The following TANGO6 variants were observed in gnomAD, a reference collection of about 807,000 sequenced individuals.
The protein encoded by TANGO6 is transport and Golgi organization protein 6 homolog.
TANGO6 carries 90 observed loss-of-function variants against 114.2 expected under a neutral mutation model. The ratio of observed to expected loss-of-function variants is 0.79; its 90% CI spans 0.66 to 0.94. TANGO6 has a LOEUF of 0.94. Ranked by LOEUF, TANGO6 falls within the 40% of genes least tolerant of loss-of-function variation. The pLI is 0.00. For missense variants in TANGO6, 1,274 were observed against 1,315.3 expected (o/e 0.97, Z 0.49); for synonymous variants, 477 against 509.8 (o/e 0.94, Z 0.87).
chr16:69,043,416 C>CCG (rs1436222500), intron 17 of TANGO6, among the ~76,000 whole-genome samples: 7 of 152,036 alleles, frequency 4.6e-5, no homozygotes, highest in Non-Finnish European at 1.0e-4. Flanking sequence ...GAAACCAACA[C>CCG]CGCTTGTCTC....
chr16:68,903,928 A>G (rs1260170676), intron 9 of TANGO6, among the ~76,000 whole-genome samples: 1 of 152,110 alleles, frequency 6.6e-6, no homozygotes, highest in East Asian at 1.9e-4. Context: ...TCTCAAAAAA[A>G]AAAAAAGAAG....
At chr16:69,002,705 G>GT (rs1365573419) in intron 15 of TANGO6, among the ~76,000 whole-genome samples, 1 of 151,980 alleles carries the variant, frequency 6.6e-6, no homozygotes, top group Non-Finnish European at 1.5e-5. Context: ...TTGGGTATCT[G>GT]TTTTTAATTA....
intron 15 of TANGO6, among the ~76,000 whole-genome samples, chr16:68,983,396 G>T (rs1031024803): frequency 1.3e-5 from 2 of 151,842 alleles, no homozygotes; most frequent in African/African-American, 4.8e-5. Flanking sequence ...TTAATCCTGG[G>T]GATGGGACAT....
intron 11 of TANGO6, among the ~76,000 whole-genome samples, chr16:68,917,318 T>C (rs964948012): frequency 6.6e-6 from 1 of 152,218 alleles, no homozygotes; most frequent in Non-Finnish European, 1.5e-5. Flanking sequence ...AAGGACATCT[T>C]GGTTACTTCC....
chr16:68,857,434 A>T, intron 1 of TANGO6, among the ~76,000 whole-genome samples: 1 of 151,248 alleles, frequency 6.6e-6, no homozygotes. Context: ...CCTTTTGAAG[A>T]TCATCTTGGT....
In TANGO6 at chr16:68,987,261, A is replaced by G. The variant is rs78497621; in HGVS notation, c.2842+13093A>G. 7.6e-3 allele frequency among the ~76,000 whole-genome samples: 1,150 copies of G among 152,310 alleles called. 47 individuals carry two copies. The East Asian group carries it at 0.11, about 15-fold the overall frequency. ...TATATCTTGTATACATGTACATGTT[A>G]AAGTGCTAGAACCTTTATTTCTTTT... On this transcript the variant is annotated intron_variant, in intron 15 of 17. Coordinates refer to ENST00000261778, the MANE Select transcript of TANGO6 (RefSeq NM_024562.2).
intron 14 of TANGO6, among the ~76,000 whole-genome samples, chr16:68,945,150 AAAG>A (rs1228946106): frequency 9.2e-5 from 14 of 152,284 alleles, no homozygotes; most frequent in East Asian, 1.9e-4. Context: ...CAAAAACAAA[AAAG>A]AAGAAGAAGA....
intron 1 of TANGO6, among the ~76,000 whole-genome samples, chr16:68,859,199 C>G (rs1231916864): frequency 6.6e-6 from 1 of 152,030 alleles, no homozygotes; most frequent in Non-Finnish European, 1.5e-5. Context: ...GAGACTGGGT[C>G]TTGCTCTGTC....
intron 1 of TANGO6, among the ~76,000 whole-genome samples, chr16:68,845,265 G>A (rs1278350909): frequency 1.3e-5 from 2 of 152,150 alleles, no homozygotes; most frequent in Non-Finnish European, 2.9e-5. Flanking sequence ...ACTACACCTG[G>A]CCTGCAACTC....
intron 15 of TANGO6, among the ~76,000 whole-genome samples, chr16:68,993,974 T>C (rs1567555151): frequency 6.6e-6 from 1 of 152,336 alleles, no homozygotes; most frequent in East Asian, 1.9e-4. Context: ...GTTTGTCTTG[T>C]TGGTAACACA....
chr16:68,844,657 A>G (rs1273783088), intron 1 of TANGO6, among the ~76,000 whole-genome samples: 1 of 152,194 alleles, frequency 6.6e-6, no homozygotes, highest in African/African-American at 2.4e-5. Flanking sequence ...AACACAAGTT[A>G]CTAATATTAG....
In TANGO6 at chr16:68,880,594, A is replaced by G. The variant is rs765522710; in HGVS notation, c.1341A>G (p.Glu447=). Reference sequence around the variant, plus strand: ...TACCAGGAACTATTTTGGTGACAGAAGAAGAACTTAGTAGATGCATTGAGG... The same window carrying G: ...TACCAGGAACTATTTTGGTGACAGAGGAAGAACTTAGTAGATGCATTGAGG... ...DMVPGTILVT[E]EELSRCIEDV... is the part of the protein sequence containing the mutation. The change falls in exon 7 of 18, where the codon GAA becomes GAG. Residue 447 remains glutamate, a synonymous_variant. Coordinates refer to ENST00000261778, the MANE Select transcript of TANGO6 (RefSeq NM_024562.2). 6 of 1,612,970 alleles carry G rather than the reference A, an allele frequency of 3.7e-6. No individual in the cohort carries two copies. The East Asian group carries it at 1.1e-4, about 30-fold the overall frequency.
At chr16:68,933,021 A>G (rs1403806454) in intron 14 of TANGO6, among the ~76,000 whole-genome samples, 1 of 152,200 alleles carries the variant, frequency 6.6e-6, no homozygotes, top group Admixed American at 6.5e-5. Flanking sequence ...TCATCATCAG[A>G]ATCTTCACTA....
At chr16:69,051,613 G>A (rs2152237348) in intron 17 of TANGO6, among the ~76,000 whole-genome samples, 1 of 152,054 alleles carries the variant, frequency 6.6e-6, no homozygotes, top group Non-Finnish European at 1.5e-5. Flanking sequence ...AGGTCAGGAG[G>A]CAGAGGTTGC....
In TANGO6 at chr16:68,995,647, T is replaced by G. The variant is rs150388336; in HGVS notation, c.2842+21479T>G. Reference sequence around the variant, plus strand: ...TAGGATTCCAGCCCTTAACCAAGACTACTCAGTGCCAATTCTGGTGTTTGC... The same window carrying G: ...TAGGATTCCAGCCCTTAACCAAGACGACTCAGTGCCAATTCTGGTGTTTGC... On this transcript the variant is annotated intron_variant, in intron 15 of 17. Transcript: ENST00000261778. Among the ~76,000 whole-genome samples, 4 of 152,360 alleles carry G rather than the reference T, an allele frequency of 2.6e-5. No individual in the cohort carries two copies. The East Asian group carries it at 5.8e-4, about 22-fold the overall frequency.
At chr16:69,020,900 A>G (rs867901240) in intron 15 of TANGO6, among the ~76,000 whole-genome samples, 7 of 126,476 alleles carry the variant, frequency 5.5e-5, no homozygotes, top group African/African-American at 2.5e-4. Context: ...TTATATATGT[A>G]TGTATGTGTG....
chr16:68,968,072 A>AT (rs1239002860), intron 14 of TANGO6, among the ~76,000 whole-genome samples: 32 of 147,916 alleles, frequency 2.2e-4, no homozygotes, highest in South Asian at 8.6e-4. Flanking sequence ...TCGTAATAAC[A>AT]TTTTTTTTTT....
chr16:69,043,222 T>C (rs939725906), intron 17 of TANGO6, among the ~76,000 whole-genome samples: 8 of 151,972 alleles, frequency 5.3e-5, no homozygotes, highest in Admixed American at 5.2e-4. Flanking sequence ...AGAGACTCTG[T>C]AAGTGCACAC....
At chr16:68,980,383 T>TTTTC (rs1555526455) in intron 15 of TANGO6, among the ~76,000 whole-genome samples, 1 of 36,856 alleles carries the variant, frequency 2.7e-5, no homozygotes, top group East Asian at 8.1e-4. Context: ...CTGTCTGTCA[T>TTTTC]TCTCTCTCTC....
Sources: gnomAD v4.1 joint callset for allele counts (sites outside exome capture counted in the v4.1 genomes callset) on GRCh38, gnomAD v4.1.1 for gene constraint, MANE v1.5 for transcripts, NCBI Gene and HGNC (gene_info 2026-07-23, HGNC 2026-07-21) for gene names.